The following RBAK variants were observed in gnomAD, a reference collection of about 807,000 sequenced individuals.
RBAK encodes RB associated KRAB zinc finger.
A neutral mutation model predicts 65.8 loss-of-function variants in RBAK; 39 were observed. That is an observed-to-expected ratio of 0.59 (90% CI 0.46 to 0.77). The LOEUF (loss-of-function observed/expected upper bound fraction) is 0.77. Among genes scored for constraint, RBAK ranks in the 30% least tolerant of loss-of-function variants. RBAK has a pLI of 0.00. For missense variants in RBAK, 884 were observed against 855.1 expected (o/e 1.03, Z -0.42); for synonymous variants, 343 against 289.7 (o/e 1.18, Z -1.87).
chr7:5,060,197 T>C (rs1583459816), intron 4 of RBAK, among the ~76,000 whole-genome samples: 1 of 152,186 alleles, frequency 6.6e-6, no homozygotes, highest in African/African-American at 2.4e-5. Context: ...TAATGCAACA[T>C]ACAGTAGGCA....
At chr7:5,056,387 G>C (rs1331506475) in intron 2 of RBAK, among the ~76,000 whole-genome samples, 2 of 151,948 alleles carry the variant, frequency 1.3e-5, no homozygotes, top group Admixed American at 6.6e-5. Context: ...CAAAGTGCTA[G>C]GATTATAGGC....
chr7:5,062,152 G>A (rs940346894), intron 4 of RBAK, among the ~76,000 whole-genome samples: 5 of 152,208 alleles, frequency 3.3e-5, no homozygotes, highest in Non-Finnish European at 2.9e-5. Flanking sequence ...TCTCCCACAT[G>A]TAATCCATAA....
In RBAK at chr7:5,065,404, C is replaced by A; in HGVS notation, c.1948C>A (p.Pro650Thr). Residue 650 changes from proline to threonine, a missense_variant, in exon 5 of 5, where the codon CCC becomes ACC. Transcript: ENST00000396912. The surrounding 1 kb of genome is among the most constrained non-coding windows in gnomAD (Gnocchi z 5.3). Reference protein sequence around the residue: ...VHYRSHSGEKPYECNECGKVF... With the variant: ...VHYRSHSGEKTYECNECGKVF... ...CTACAGAAGCCATTCAGGAGAGAAACCCTATGAATGTAATGAATGTGGGAA... is the reference window on the plus strand; with the variant it reads ...CTACAGAAGCCATTCAGGAGAGAAAACCTATGAATGTAATGAATGTGGGAA... 2 of 1,613,854 alleles carry A rather than the reference C, an allele frequency of 1.2e-6. No homozygotes were observed. The highest frequency in any genetic ancestry group is 1.7e-6 in the Non-Finnish European group (2 of 1,179,850).
At chr7:5,063,269 C>T (rs2115043945) in intron 4 of RBAK, among the ~76,000 whole-genome samples, 1 of 152,330 alleles carries the variant, frequency 6.6e-6, no homozygotes, top group African/African-American at 2.4e-5. Flanking sequence ...TTTGGGGTCC[C>T]TGACTTCCCA....
rs748319662 is a variant in RBAK, at chr7:5,065,007, G to A, written c.1551G>A (p.Gly517=). The change falls in exon 5 of 5, where the codon GGG becomes GGA. Residue 517 remains glycine, a synonymous_variant. Transcript: ENST00000396912. This position sits in a 1 kb window ranked among gnomAD's most constrained non-coding sequence, Gnocchi z 5.3. ...AACCCTATGAATGTAATGAATGTGG[G>A]AAAACCTTCCTTGTAAATTCAGCCT... ...EEKPYECNEC[G]KTFLVNSAFD... 8 of 1,613,668 alleles carry A rather than the reference G, an allele frequency of 5.0e-6. No individual in the cohort carries two copies. The South Asian group carries it at 7.7e-5, about 16-fold the overall frequency.
intron 4 of RBAK, among the ~76,000 whole-genome samples, chr7:5,060,185 T>G (rs4720472): frequency 0.62 from 95,007 of 152,086 alleles, 30,181 homozygotes; most frequent in African/African-American, 0.75. Context: ...TTCTTGCTTT[T>G]ATAATGCAAC....
At chr7:5,056,063 A>G (rs902072517) in intron 2 of RBAK, among the ~76,000 whole-genome samples, 2 of 151,622 alleles carry the variant, frequency 1.3e-5, no homozygotes, top group Non-Finnish European at 1.5e-5. Flanking sequence ...TTGGGAGGCC[A>G]AGGCAGGTGG....
intron 4 of RBAK, among the ~76,000 whole-genome samples, chr7:5,061,061 G>A (rs763513914): frequency 6.6e-6 from 1 of 152,206 alleles, no homozygotes; most frequent in Non-Finnish European, 1.5e-5. Flanking sequence ...ACAGAGACAT[G>A]ACTGGTTTTA....
chr7:5,063,673 GT>G, intron 4 of RBAK, 21 bp from the exon 5 acceptor site: 1 of 1,534,992 alleles, frequency 6.5e-7, no homozygotes, highest in South Asian at 1.3e-5. Flanking sequence ...TACAAAGTTT[GT>G]TTACTATTTT....
rs1386637865 is a variant in RBAK, at chr7:5,048,848, C to T, written c.15+757C>T. ...GCGGGTACATCTTCCATCACCAGAG[C>T]AGGAGGAAGAGGGAGGGGGAGGCGC... On this transcript the variant is annotated intron_variant, in intron 2 of 4. Coordinates refer to ENST00000396912, the MANE Select transcript of RBAK (RefSeq NM_021163.4). This position sits in a 1 kb window ranked among gnomAD's most constrained non-coding sequence, Gnocchi z 4.4. Among the ~76,000 whole-genome samples, 3 of 152,266 alleles carry T rather than the reference C, an allele frequency of 2.0e-5. No homozygotes were observed. The East Asian group carries it at 5.8e-4, about 29-fold the overall frequency.
Position 5,065,171 on chromosome 7 carries a change from G to A in RBAK, c.1715G>A (p.Cys572Tyr). The change falls in exon 5 of 5, where the codon TGT (cysteine) becomes TAT (tyrosine). Residue 572 changes from cysteine (C) to tyrosine (Y), a missense_variant. By Grantham distance (194) the Cys-to-Tyr change is radical. Transcript: ENST00000396912. This position sits in a 1 kb window ranked among gnomAD's most constrained non-coding sequence, Gnocchi z 5.3. ...GAGAAACCTTATGGATGTAGCGAAT[G>A]TGGGAAAACCTTTTCCCATAATTCA... ...SEEKPYGCSECGKTFSHNSSL... is the reference protein window; with the variant it reads ...SEEKPYGCSEYGKTFSHNSSL... The A allele has an allele frequency of 2.5e-6, 4 of 1,613,780 alleles. No individual in the cohort carries two copies. Among genetic ancestry groups the A allele is most frequent in the Non-Finnish European group, 2.5e-6 (3 of 1,179,894 alleles).
In RBAK at chr7:5,065,091, A is replaced by G. The variant is rs1779183765; in HGVS notation, c.1635A>G (p.Gly545=). The G allele has an allele frequency of 1.9e-6, 3 of 1,613,922 alleles. No individual in the cohort carries two copies. The highest frequency in any genetic ancestry group is 1.7e-5 in the Admixed American group (1 of 60,000). ...GEKSYECNVC[G]KLFNELSYYT... is the part of the protein sequence containing the mutation. The stretch of plus-strand genomic sequence containing the variant: ...AATCCTATGAATGTAATGTATGTGG[A>G]AAGTTATTCAATGAGTTGTCATACT... Residue 545 remains glycine (G), a synonymous_variant, in exon 5 of 5, where the codon GGA becomes GGG. Coordinates refer to ENST00000396912, the MANE Select transcript of RBAK (RefSeq NM_021163.4). This position sits in a 1 kb window ranked among gnomAD's most constrained non-coding sequence, Gnocchi z 5.3.
In RBAK at chr7:5,065,523, C is replaced by T. The variant is rs754167016; in HGVS notation, c.2067C>T (p.His689=). The T allele has an allele frequency of 3.7e-6, 6 of 1,603,818 alleles. No homozygotes were observed. In the African/African-American group the frequency reaches 6.7e-5, roughly 18 times the overall value. The part of the protein sequence containing the change: ...YECNECGKKF[H]HRSAFNSHQR... ...GTAACGAGTGTGGGAAAAAATTCCA[C>T]CACAGATCAGCCTTCAATAGCCATC... Residue 689 remains histidine, a synonymous_variant, in exon 5 of 5, where the codon CAC becomes CAT. Coordinates refer to ENST00000396912, the MANE Select transcript of RBAK (RefSeq NM_021163.4). This position sits in a 1 kb window ranked among gnomAD's most constrained non-coding sequence, Gnocchi z 5.3.
chr7:5,061,381 G>C (rs2115041136), intron 4 of RBAK, among the ~76,000 whole-genome samples: 1 of 151,626 alleles, frequency 6.6e-6, no homozygotes, highest in East Asian at 2.0e-4. Context: ...AGGAAGGTTA[G>C]CTAGTATTAA....
rs965579470 is a variant in RBAK, at chr7:5,065,931, A to G, written c.*330A>G. ...ATCTGTCAATATGGTGAATGTGGAA[A>G]ATATATTGTCTTGGAAATTTGTTGT... On this transcript the variant is annotated 3_prime_UTR_variant, in exon 5 of 5. Coordinates refer to ENST00000396912, the MANE Select transcript of RBAK (RefSeq NM_021163.4). This position sits in a 1 kb window ranked among gnomAD's most constrained non-coding sequence, Gnocchi z 5.3. The G allele has an allele frequency of 5.9e-6, 1 of 169,622 alleles. No individual in the cohort carries two copies. The highest frequency in any genetic ancestry group is 2.4e-5 in the African/African-American group (1 of 42,130). 10.5% of individuals were successfully genotyped at this position (169,622 alleles called of 1,614,324 possible).
In RBAK at chr7:5,045,975, A is replaced by G. The variant is rs1258003833; in HGVS notation, c.-466A>G. The G allele has an allele frequency of 9.8e-6, 3 of 305,392 alleles. No homozygotes were observed. The highest frequency in any genetic ancestry group is 2.6e-5 in the South Asian group (1 of 38,666). The allele number at this position is 305,392 out of a possible 1,614,324, so 18.9% of individuals were successfully genotyped here. A position where few individuals can be genotyped will look rare whatever the true frequency, so the allele number is the denominator to read the frequency against. On this transcript the variant is annotated 5_prime_UTR_variant, in exon 1 of 5. Coordinates refer to ENST00000396912, the MANE Select transcript of RBAK (RefSeq NM_021163.4). ...GGGCTGGAGGTTGAGCGCCCGGGCC[A>G]GCACCTAGGCGGGCGCGGGGGTGTG...
chr7:5,062,901 C>T (rs1187810497), intron 4 of RBAK, among the ~76,000 whole-genome samples: 1 of 152,198 alleles, frequency 6.6e-6, no homozygotes, highest in Non-Finnish European at 1.5e-5. Flanking sequence ...AAGGTTATCT[C>T]TCTTGTTCCC....
chr7:5,052,853 A>G (rs1305538098), intron 2 of RBAK, among the ~76,000 whole-genome samples: 1 of 152,080 alleles, frequency 6.6e-6, no homozygotes, highest in East Asian at 1.9e-4. Context: ...TCTGCCTCCC[A>G]GGTTCAAGTG....
At position 5,065,235 on chromosome 7, in the gene RBAK, AC is replaced by A. The variant is rs1207725590; in HGVS notation, c.1782del (p.Tyr595MetfsTer112). The stretch of plus-strand genomic sequence containing the variant: ...ATCAAAGAGTACACACAGGCGAGAA[AC>A]CCTATGAATGTTACGAATGTGGAAA... Reference protein sequence around the residue: ...RHQRVHTGEKPYECYECGKFF... With the variant: ...RHQRVHTGEKXYECYECGKFF... On this transcript the variant is annotated frameshift_variant, in exon 5 of 5. Transcript: ENST00000396912. LOFTEE classifies it high-confidence loss of function. The surrounding 1 kb of genome is among the most constrained non-coding windows in gnomAD (Gnocchi z 5.3). The A allele has an allele frequency of 1.4e-5, 22 of 1,613,726 alleles. No homozygotes were observed. The Admixed American group carries it at 3.5e-4, about 26-fold the overall frequency.
Sources: allele counts gnomAD v4.1 joint callset (sites outside exome capture counted in the v4.1 genomes callset), GRCh38; gene constraint gnomAD v4.1.1; non-coding constraint Gnocchi (gnomAD v3.1); transcripts MANE v1.5; gene names NCBI Gene and HGNC (gene_info 2026-07-23, HGNC 2026-07-21).